VWA8: variants seen among roughly 807,000 people sequenced by gnomAD.
The protein encoded by VWA8 is von Willebrand factor A domain-containing protein 8.
A neutral mutation model predicts 241.5 loss-of-function variants in VWA8; 221 were observed. The ratio of observed to expected loss-of-function variants is 0.91; its 90% confidence interval spans 0.82 to 1.02. The LOEUF is 1.02. Ranked by LOEUF, VWA8 falls within the 50% of genes least tolerant of loss-of-function variation. The pLI, the probability that VWA8 is intolerant of heterozygous loss-of-function variation, is 0.00. For synonymous variants in VWA8, 852 were observed against 827.1 expected (o/e 1.03, Z -0.52); for missense variants, 2,322 against 2,328.7 (o/e 1.00, Z 0.06).
chr13:41,729,553 C>T lies in VWA8; in HGVS notation c.2627G>A (p.Arg876His), dbSNP rs367830880. ...NGEMILADGR[R>H]IVANSANVNG... ...TCTAAAATACTCACTTGCAACAATG[C>T]GTCTTCCATCTGCTAGAATCATTTC... Residue 876 changes from arginine to histidine, a missense_variant, in exon 23 of 45, where the codon CGC (arginine) becomes CAC (histidine). Physicochemically the swap from Arg to His is conservative, Grantham distance 29. Transcript: ENST00000379310. 7.5e-6 allele frequency: 12 copies of T among 1,610,284 alleles called. No individual in the cohort carries two copies. The highest frequency in any genetic ancestry group is 2.2e-5 in the East Asian group (1 of 44,746).
chr13:41,827,901 TG>T (rs1593798354), intron 14 of VWA8, among the ~76,000 whole-genome samples: 2 of 152,232 alleles, frequency 1.3e-5, no homozygotes, highest in African/African-American at 4.8e-5. Context: ...AGAATGCTTC[TG>T]ATGTCCTAAG....
At chr13:41,841,838 T>A (rs1202354960) in intron 12 of VWA8, among the ~76,000 whole-genome samples, 3 of 87,012 alleles carry the variant, frequency 3.4e-5, no homozygotes, top group South Asian at 3.8e-4. Flanking sequence ...TATATATATA[T>A]ATATATATAT....
At chr13:41,646,692 G>T (rs567478536) in intron 37 of VWA8, among the ~76,000 whole-genome samples, 38 of 152,184 alleles carry the variant, frequency 2.5e-4, no homozygotes, top group Non-Finnish European at 1.3e-4. Context: ...CAAGAAATAT[G>T]CCTGAAAGGC....
chr13:41,627,288 G>A (rs962894803), intron 37 of VWA8, among the ~76,000 whole-genome samples: 9 of 151,960 alleles, frequency 5.9e-5, no homozygotes, highest in African/African-American at 1.4e-4. Flanking sequence ...GCTCAGGCCC[G>A]CTCCCAGACT....
At chr13:41,626,168 C>T (rs1423419564) in intron 37 of VWA8, among the ~76,000 whole-genome samples, 3 of 151,574 alleles carry the variant, frequency 2.0e-5, no homozygotes, top group Non-Finnish European at 4.4e-5. Context: ...ACCAACATGG[C>T]ACATGTATAC....
chr13:41,956,973 G>A (rs1193420145), intron 1 of VWA8, among the ~76,000 whole-genome samples: 1 of 152,130 alleles, frequency 6.6e-6, no homozygotes, highest in African/African-American at 2.4e-5. Flanking sequence ...AGGCACAGTG[G>A]CTCAAATCTG....
At chr13:41,873,268 A>G (rs1427372025) in intron 9 of VWA8, among the ~76,000 whole-genome samples, 2 of 152,190 alleles carry the variant, frequency 1.3e-5, no homozygotes, top group African/African-American at 4.8e-5. Flanking sequence ...TCACAATTAA[A>G]AGAACTAGAA....
At chr13:41,938,521 C>T (rs758997209) in intron 2 of VWA8, among the ~76,000 whole-genome samples, 3 of 151,884 alleles carry the variant, frequency 2.0e-5, no homozygotes, top group Non-Finnish European at 4.4e-5. Flanking sequence ...CGTAGTGGCA[C>T]GTGCCTGTAG....
intron 37 of VWA8, among the ~76,000 whole-genome samples, chr13:41,649,859 G>C (rs1470761633): frequency 6.6e-6 from 1 of 152,140 alleles, no homozygotes; most frequent in Non-Finnish European, 1.5e-5. Flanking sequence ...ACCACCAGGG[G>C]TAGCTTGCAC....
chr13:41,721,487 C>T lies in VWA8; in HGVS notation c.2847G>A (p.Glu949=), dbSNP rs756480573. ...CAGCCACAAGCTTCTGAAGGATGGG[C>T]TCAGGCACATTTGGTCCATACTGTC... ...MLRQYGPNVP[E]PILQKLVAAF... The change falls in exon 25 of 45, where the codon GAG becomes GAA. Residue 949 remains glutamate (E), a synonymous_variant. Coordinates refer to ENST00000379310, the MANE Select transcript of VWA8 (RefSeq NM_015058.2). 2 of 1,613,934 alleles carry T rather than the reference C, an allele frequency of 1.2e-6. No homozygotes were observed. The highest frequency in any genetic ancestry group is 1.7e-6 in the Non-Finnish European group (2 of 1,179,862).
chr13:41,713,997 AAGAAATATT>A lies in VWA8; in HGVS notation c.3116+5585_3116+5593del, dbSNP rs569435525. On this transcript the variant is annotated intron_variant, in intron 26 of 44. Coordinates refer to ENST00000379310, the MANE Select transcript of VWA8 (RefSeq NM_015058.2). The stretch of plus-strand genomic sequence containing the variant: ...ACTCAAGAAAATAAAAATAATTAGA[AAGAAATATT>A]TTTCAGTGCATGAAATAACACATAC... Among the ~76,000 whole-genome samples the A allele has an allele frequency of 2.9e-3, 438 of 152,244 alleles. 2 individuals are homozygous for A. Among genetic ancestry groups the A allele is most frequent in the African/African-American group, 9.8e-3 (409 of 41,584 alleles).
chr13:41,716,452 C>T (rs2045348462), intron 26 of VWA8, among the ~76,000 whole-genome samples: 1 of 152,060 alleles, frequency 6.6e-6, no homozygotes, highest in South Asian at 2.1e-4. Context: ...AATAACATCA[C>T]CGCTACTGAA....
chr13:41,869,418 G>C (rs963136930), intron 9 of VWA8, among the ~76,000 whole-genome samples: 13 of 151,996 alleles, frequency 8.6e-5, no homozygotes, highest in African/African-American at 3.1e-4. Flanking sequence ...CGGATCACCT[G>C]AGGTCAGGAG....
Position 41,865,740 on chromosome 13 carries a change from T to TA in VWA8, c.1420dup (p.Tyr474LeufsTer8), listed in dbSNP as rs1308847197. ...AGCTAAAAATGAACACTGTACCTGA[T>TA]AGAGCATAATAGGTTCTATGTTGTA... On this transcript the variant is annotated frameshift_variant, in exon 12 of 45. Transcript: ENST00000379310. LOFTEE classifies it high-confidence loss of function. 1 of 1,613,704 alleles carries TA rather than the reference T, an allele frequency of 6.2e-7. No homozygotes were observed. Among genetic ancestry groups the TA allele is most frequent in the Admixed American group, 1.7e-5 (1 of 60,026 alleles).
chr13:41,865,172 A>T, intron 12 of VWA8: 1 of 203,190 alleles, frequency 4.9e-6, no homozygotes, highest in Non-Finnish European at 1.0e-5. Flanking sequence ...ACATAAAATG[A>T]ATCTCACTTT....
chr13:41,581,686 G>A (rs2044384423), intron 42 of VWA8, among the ~76,000 whole-genome samples: 1 of 135,732 alleles, frequency 7.4e-6, no homozygotes, highest in Non-Finnish European at 1.5e-5. Flanking sequence ...GAAACAATAC[G>A]TTTAAGTTTC....
intron 4 of VWA8, among the ~76,000 whole-genome samples, chr13:41,902,142 T>C (rs998126365): frequency 6.6e-6 from 1 of 151,488 alleles, no homozygotes; most frequent in Non-Finnish European, 1.5e-5. Flanking sequence ...ACCAATAATA[T>C]AAAAAGGTAG....
At chr13:41,739,839 G>GTTTT (rs1417524214) in intron 21 of VWA8, among the ~76,000 whole-genome samples, 4 of 43,586 alleles carry the variant, frequency 9.2e-5, no homozygotes, top group East Asian at 7.4e-4. Flanking sequence ...TTTTTTTTTT[G>GTTTT]TTTTTTTTGT....
At chr13:41,590,857 G>A (rs1253009508) in intron 40 of VWA8, 92 bp from the exon 41 acceptor site, 5 of 1,512,228 alleles carry the variant, frequency 3.3e-6, no homozygotes, top group Non-Finnish European at 3.6e-6. Context: ...AACACACCTG[G>A]GATCTTTTCA....
Sources: allele counts gnomAD v4.1 joint callset (sites outside exome capture counted in the v4.1 genomes callset), GRCh38; gene constraint gnomAD v4.1.1; transcripts MANE v1.5; gene names NCBI Gene and HGNC (gene_info 2026-07-23, HGNC 2026-07-21).